Variants in CACNA1C observed in about 807,000 individuals in gnomAD.
CACNA1C encodes calcium voltage-gated channel subunit alpha1 C.
In CACNA1C, 30 loss-of-function variants were observed where a neutral mutation model predicts 229.0. The observed-to-expected ratio is 0.13, with a 90% CI of 0.10 to 0.18. The LOEUF (loss-of-function observed/expected upper bound fraction) is 0.18. Among genes scored for constraint, CACNA1C ranks in the 10% least tolerant of loss-of-function variants. The pLI is 1.00. For synonymous variants in CACNA1C, 1,114 were observed against 1,132.5 expected (o/e 0.98, Z 0.33); for missense variants, 1,658 against 2,845.0 (o/e 0.58, Z 9.49).
chr12:2,672,768 G>T (rs962383428), intron 38 of CACNA1C, among the ~76,000 whole-genome samples: 28 of 152,246 alleles, frequency 1.8e-4, no homozygotes, highest in Non-Finnish European at 3.2e-4. Context: ...CACATTCTGA[G>T]GTTCTAGGCA....
intron 10 of CACNA1C, among the ~76,000 whole-genome samples, 190 bp downstream of exon 10, chr12:2,550,223 C>G (rs921109713): frequency 6.6e-6 from 1 of 152,148 alleles, no homozygotes; most frequent in African/African-American, 2.4e-5. Flanking sequence ...TGGCCCTGGC[C>G]GGGGGTGAGT....
Position 2,595,237 on chromosome 12 carries a change from A to G in CACNA1C, c.2664-637A>G, listed in dbSNP as rs756452060. On this transcript the variant is annotated intron_variant, in intron 19 of 46. Coordinates refer to ENST00000399655, the MANE Select transcript of CACNA1C (RefSeq NM_000719.7). The surrounding 1 kb of genome is among the most constrained non-coding windows in gnomAD (Gnocchi z 4.1). ...CTGTGTTTCTGGGCAAGCCTCTCCT[A>G]CTTGGGTTTCAGTGTTCTTACCTGT... 6.6e-6 allele frequency among the ~76,000 whole-genome samples: 1 copy of G among 152,112 alleles called. No homozygotes were observed. The highest frequency in any genetic ancestry group is 1.5e-5 in the Non-Finnish European group (1 of 68,024).
chr12:2,587,289 G>A (rs1229831783), intron 18 of CACNA1C, among the ~76,000 whole-genome samples: 1 of 152,210 alleles, frequency 6.6e-6, no homozygotes, highest in African/African-American at 2.4e-5. Context: ...TTATATATAT[G>A]AGGTTTAGTA....
rs1350990878 is a variant in CACNA1C at position 2,679,957 on chromosome 12, T to TAC, written c.5444+161_5444+162insAC. The stretch of plus-strand genomic sequence containing the variant: ...AGCAAGAGCAGGAGGCACTATGCTG[T>TAC]CTCCCAAGTCCTGCCCTTGATCAGA... On this transcript the variant is annotated intron_variant, in intron 42 of 46. Coordinates refer to ENST00000399655, the MANE Select transcript of CACNA1C (RefSeq NM_000719.7). The surrounding 1 kb of genome is among the most constrained non-coding windows in gnomAD (Gnocchi z 5.5). Among the ~76,000 whole-genome samples the TAC allele has an allele frequency of 6.6e-6, 1 of 152,144 alleles. No homozygotes were observed. Among genetic ancestry groups the TAC allele is most frequent in the Non-Finnish European group, 1.5e-5 (1 of 68,024 alleles).
Position 2,678,189 on chromosome 12 carries a change from C to T in CACNA1C, c.5091+322C>T, listed in dbSNP as rs1026033624. ...TTGCAGAGTGGTCACCCCTGGGGCA[C>T]ATCTAATCTGCAGGCTTGTTTTGTT... On this transcript the variant is annotated intron_variant, in intron 41 of 46. Transcript: ENST00000399655. This position sits in a 1 kb window ranked among gnomAD's most constrained non-coding sequence, Gnocchi z 4.1. Among the ~76,000 whole-genome samples, 5 of 152,310 alleles carry T rather than the reference C, an allele frequency of 3.3e-5. No individual in the cohort carries two copies. Among genetic ancestry groups the T allele is most frequent in the African/African-American group, 7.2e-5 (3 of 41,576 alleles).
chr12:2,676,391 C>T (rs969437160), intron 39 of CACNA1C: 4 of 152,240 alleles, frequency 2.6e-5, no homozygotes, highest in Non-Finnish European at 4.4e-5. Context: ...CATCTCTTCA[C>T]AAAGAACCAG....
rs374170716 is a variant in CACNA1C, at chr12:2,585,917, C to G, written c.2530+13C>G. 6.5e-7 allele frequency: 1 copy of G among 1,532,970 alleles called. No homozygotes were observed. The highest frequency in any genetic ancestry group is 1.2e-5 in the South Asian group (1 of 81,906). 95.0% of individuals were successfully genotyped at this position (1,532,970 alleles called of 1,614,324 possible). A position where few individuals can be genotyped will look rare whatever the true frequency, so the allele number is the denominator to read the frequency against. On this transcript the variant is annotated intron_variant, in intron 18 of 46. Coordinates refer to ENST00000399655, the MANE Select transcript of CACNA1C (RefSeq NM_000719.7). This position sits in a 1 kb window ranked among gnomAD's most constrained non-coding sequence, Gnocchi z 4.1. ...CCAGAAACTACAGGTACCAGTCCCA[C>G]TGCCTAACCTGGGATTGGGAGATTG...
rs182305460 is a variant in CACNA1C, at chr12:2,270,213, C to T, written c.477+149783C>T. Among the ~76,000 whole-genome samples, 328 of 152,270 alleles carry T rather than the reference C, an allele frequency of 2.2e-3. 2 individuals are homozygous for T. The highest frequency in any genetic ancestry group is 3.5e-3 in the Non-Finnish European group (240 of 68,018). ...AGGCTCGTCCTGAGAAGGCGAGCTT[C>T]GAAAGCTATTACTGACTCTTAAAGT... On this transcript the variant is annotated intron_variant, in intron 3 of 46. Transcript: ENST00000399655.
chr12:2,149,038 G>A (rs2094983625), intron 3 of CACNA1C, among the ~76,000 whole-genome samples: 1 of 152,132 alleles, frequency 6.6e-6, no homozygotes, highest in African/African-American at 2.4e-5. Context: ...GGCAAGGGAT[G>A]TCTTGCATCT....
chr12:2,341,984 A>G (rs1256903896), intron 3 of CACNA1C, among the ~76,000 whole-genome samples: 2 of 152,324 alleles, frequency 1.3e-5, no homozygotes, highest in Non-Finnish European at 2.9e-5. Flanking sequence ...CTGCTTGGGT[A>G]TGCTTCGACC....
At chr12:1,980,874 C>T (rs1169603547) in intron 1 of CACNA1C, among the ~76,000 whole-genome samples, 2 of 151,808 alleles carry the variant, frequency 1.3e-5, no homozygotes, top group African/African-American at 2.4e-5. Flanking sequence ...TCAAGTTTAA[C>T]ACAGTGAATA....
At chr12:2,203,572 G>A (rs921532020) in intron 3 of CACNA1C, among the ~76,000 whole-genome samples, 1 of 152,172 alleles carries the variant, frequency 6.6e-6, no homozygotes, top group South Asian at 2.1e-4. Context: ...TCTGGAGGTG[G>A]CTGCAGTCCT....
intron 4 of CACNA1C, among the ~76,000 whole-genome samples, chr12:2,455,336 CAAT>C (rs1191069400): frequency 4.0e-5 from 6 of 148,494 alleles, no homozygotes; most frequent in Non-Finnish European, 9.1e-5. Context: ...ATCTGCATTG[CAAT>C]AATAATAATT....
At chr12:2,621,396 C>G (rs1336354279) in intron 29 of CACNA1C, among the ~76,000 whole-genome samples, 3 of 152,140 alleles carry the variant, frequency 2.0e-5, no homozygotes, top group African/African-American at 7.2e-5. Flanking sequence ...GAGGCAGGGG[C>G]AAGCTCAGCT....
intron 3 of CACNA1C, among the ~76,000 whole-genome samples, chr12:2,137,892 AGTGG>A: frequency 6.6e-6 from 1 of 151,398 alleles, no homozygotes; most frequent in African/African-American, 2.4e-5. Context: ...GCGCCAGGCC[AGTGG>A]ACCCTGTCTT....
chr12:2,446,354 A>G (rs1425693398), intron 3 of CACNA1C, among the ~76,000 whole-genome samples: 2 of 136,480 alleles, frequency 1.5e-5, no homozygotes, highest in South Asian at 2.7e-4. Flanking sequence ...ATATGTATGT[A>G]TGTGTGTGGG....
At chr12:1,991,353 A>C (rs1565848859) in intron 1 of CACNA1C, 3 of 414,422 alleles carry the variant, frequency 7.2e-6, no homozygotes, top group African/African-American at 2.1e-5. Flanking sequence ...TAAAATATGA[A>C]AAACAAATTA....
intron 3 of CACNA1C, among the ~76,000 whole-genome samples, chr12:2,375,745 A>G (rs2098035641): frequency 6.6e-6 from 1 of 152,164 alleles, no homozygotes; most frequent in African/African-American, 2.4e-5. Context: ...TGAGTTAGAG[A>G]CAGTGCCTAA....
chr12:2,493,304 C>A lies in CACNA1C; in HGVS notation c.1031C>A (p.Thr344Asn). 6.2e-7 allele frequency: 1 copy of A among 1,614,140 alleles called. No homozygotes were observed. The highest frequency in any genetic ancestry group is 8.5e-7 in the Non-Finnish European group (1 of 1,179,970). ...TGGGATGGTCCCAAGCACGGCATCA[C>A]CAACTTTGACAACTTTGCCTTCGCC... ...PGWDGPKHGI[T>N]NFDNFAFAML... is the part of the protein sequence containing the mutation. Residue 344 changes from threonine (T) to asparagine (N), a missense_variant, in exon 7 of 47, where the codon ACC becomes AAC. Physicochemically the swap from Thr to Asn is moderately conservative, Grantham distance 65. This residue lies in a region of CACNA1C where 84 missense variants were observed against 202.6 expected (regional missense o/e 0.41). Transcript: ENST00000399655. The surrounding 1 kb of genome is among the most constrained non-coding windows in gnomAD (Gnocchi z 4.6).
Sources: allele counts gnomAD v4.1 joint callset (sites outside exome capture counted in the v4.1 genomes callset), GRCh38; gene constraint gnomAD v4.1.1; regional missense constraint gnomAD v4.1.1; non-coding constraint Gnocchi (gnomAD v3.1); transcripts MANE v1.5; gene names NCBI Gene and HGNC (gene_info 2026-07-23, HGNC 2026-07-21).